Variants in GRAMD1B observed in about 807,000 individuals in gnomAD.
GRAMD1B encodes the protein GRAM domain containing 1B, also known as protein Aster-B.
GRAMD1B carries 37 observed loss-of-function variants against 99.7 expected under a neutral mutation model. The ratio of observed to expected loss-of-function variants is 0.37; its 90% CI spans 0.29 to 0.49. GRAMD1B has a LOEUF of 0.49. Ranked by LOEUF, GRAMD1B falls within the 20% of genes least tolerant of loss-of-function variation. The pLI is 0.98. For missense variants in GRAMD1B, 888 were observed against 1,009.2 expected (o/e 0.88, Z 1.63); for synonymous variants, 427 against 387.6 (o/e 1.10, Z -1.19).
intron 11 of GRAMD1B, chr11:123,607,695 A>G (rs1952930743): frequency 6.6e-6 from 1 of 151,868 alleles, no homozygotes; most frequent in Non-Finnish European, 1.5e-5. Flanking sequence ...CTTGACCCCT[A>G]CAGGGTACTT....
chr11:123,608,306 T>C, intron 11 of GRAMD1B: 1 of 592,806 alleles, frequency 1.7e-6, no homozygotes, highest in South Asian at 2.2e-5. Context: ...ACCCCATTCT[T>C]TGGGTTTAGG....
intron 2 of GRAMD1B, among the ~76,000 whole-genome samples, chr11:123,502,774 C>CA (rs34321315): frequency 0.14 from 13,404 of 98,290 alleles, 968 homozygotes; most frequent in East Asian, 0.47. Flanking sequence ...GACTCCATCT[C>CA]AAAAAAAAAA....
intron 3 of GRAMD1B, 90 bp from the exon 4 acceptor site, chr11:123,584,222 C>T (rs1949789530): frequency 2.7e-6 from 2 of 731,892 alleles, no homozygotes; most frequent in Non-Finnish European, 2.4e-6. Context: ...TCCCTGCCCA[C>T]CCTCCGCTGT....
intron 2 of GRAMD1B, among the ~76,000 whole-genome samples, chr11:123,502,038 G>A (rs1012798399): frequency 6.6e-6 from 1 of 152,240 alleles, no homozygotes; most frequent in Non-Finnish European, 1.5e-5. Flanking sequence ...TCTCTCCTGG[G>A]CTCACCAGCA....
rs186215978 is a variant in GRAMD1B at position 123,496,395 on chromosome 11, A to G, written c.452+15502A>G. ...GCTGCTTTTAGGATCCTTTTTTAAA[A>G]TCCTTGGCCTTTGGGAATTTGACTA... On this transcript the variant is annotated intron_variant, in intron 2 of 19. Transcript: ENST00000635736. 2.3e-3 allele frequency among the ~76,000 whole-genome samples: 356 copies of G among 152,092 alleles called. 2 individuals carry two copies. The highest frequency in any genetic ancestry group is 8.1e-3 in the African/African-American group (338 of 41,508).
intron 2 of GRAMD1B, among the ~76,000 whole-genome samples, chr11:123,483,208 T>C (rs1021038605): frequency 6.6e-6 from 1 of 152,142 alleles, no homozygotes; most frequent in Non-Finnish European, 1.5e-5. Context: ...TTGGATTTTC[T>C]ATCTGAGAAC....
rs889758734 is a variant in GRAMD1B at position 123,385,647 on chromosome 11, C to T, written c.-176+26848C>T. ...CCTATCCCACTGCACTTCCCTTCTG[C>T]CTTGTAGTGTGGGTGAGTTTGGTTC... On this transcript the variant is annotated intron_variant, in intron 1 of 20. Transcript: ENST00000638157. 5.8e-4 allele frequency among the ~76,000 whole-genome samples: 89 copies of T among 152,172 alleles called. 4 individuals are homozygous for T. Among genetic ancestry groups the T allele is most frequent in the Non-Finnish European group, 1.5e-4 (10 of 68,038 alleles).
upstream of GRAMD1B, among the ~76,000 whole-genome samples, chr11:123,427,933 G>C (rs1256896101): frequency 6.6e-6 from 1 of 152,186 alleles, no homozygotes; most frequent in Non-Finnish European, 1.5e-5. Flanking sequence ...TGGGAAGAGG[G>C]TGCTGGTGGC....
chr11:123,560,301 G>A, intron 2 of GRAMD1B: 1 of 1,147,518 alleles, frequency 8.7e-7, no homozygotes, highest in Non-Finnish European at 1.1e-6. Context: ...CAGAGGGAGA[G>A]AGAGAAAGGG....
chr11:123,578,571 C>T lies in GRAMD1B; in HGVS notation c.663+994C>T, dbSNP rs1384923242. The T allele has an allele frequency of 1.5e-5, 10 of 674,286 alleles. No homozygotes were observed. The African/African-American group carries it at 1.8e-4, about 12-fold the overall frequency. The allele number at this position is 674,286 out of a possible 1,614,324, so 41.8% of individuals were successfully genotyped here. A position where few individuals can be genotyped will look rare whatever the true frequency, so the allele number is the denominator to read the frequency against. ...CCCTTTCCCAGAAGGGCCGGCCCCA[C>T]TGTCCCCCGGCAGGCTGGCTTGGAA... On this transcript the variant is annotated intron_variant, in intron 3 of 19. Transcript: ENST00000635736.
chr11:123,487,583 C>T (rs1460804882), intron 2 of GRAMD1B, among the ~76,000 whole-genome samples: 1 of 152,106 alleles, frequency 6.6e-6, no homozygotes, highest in East Asian at 1.9e-4. Context: ...GACTGGAAAC[C>T]AGTAAGTTAC....
chr11:123,370,980 A>C (rs762963659), intron 1 of GRAMD1B, among the ~76,000 whole-genome samples: 55 of 152,058 alleles, frequency 3.6e-4, no homozygotes, highest in Non-Finnish European at 1.2e-4. Context: ...AAGGTGCCTG[A>C]AACTGGGAGA....
At chr11:123,582,529 G>A (rs1438899338) in intron 3 of GRAMD1B, among the ~76,000 whole-genome samples, 3 of 152,186 alleles carry the variant, frequency 2.0e-5, no homozygotes, top group Non-Finnish European at 4.4e-5. Flanking sequence ...GCACCTTGCA[G>A]AGGGGGACTG....
chr11:123,363,413 G>A lies in GRAMD1B; in HGVS notation c.-176+4614G>A, dbSNP rs1591351254. ...AGAGAGTGGCAGACATGAAGCCTGG[G>A]CTTTGATAACCGCCTGTAAAGAACT... On this transcript the variant is annotated intron_variant, in intron 1 of 20. Coordinates refer to the GRAMD1B transcript ENST00000638157. Among the ~76,000 whole-genome samples the A allele has an allele frequency of 3.3e-5, 5 of 152,284 alleles. 1 individual carries two copies. The highest frequency in any genetic ancestry group is 3.3e-4 in the Admixed American group (5 of 15,302).
rs369302256 is a variant in GRAMD1B, at chr11:123,372,184, G to A, written c.-176+13385G>A. Among the ~76,000 whole-genome samples the A allele has an allele frequency of 1.2e-4, 18 of 152,262 alleles. 1 individual carries two copies. The East Asian group carries it at 2.3e-3, about 20-fold the overall frequency. On this transcript the variant is annotated intron_variant, in intron 1 of 20. Coordinates refer to the GRAMD1B transcript ENST00000638157. The stretch of plus-strand genomic sequence containing the variant: ...AATTACCCAGCACTTCAATTTAGAC[G>A]TCAAACACGATTATACAGAAAACAA...
At chr11:123,594,501 C>G (rs183270738) in intron 5 of GRAMD1B, among the ~76,000 whole-genome samples, 70 of 152,336 alleles carry the variant, frequency 4.6e-4, no homozygotes, top group Non-Finnish European at 8.2e-4. Flanking sequence ...GCCCACTTTG[C>G]CTTCACATTT....
chr11:123,503,926 A>G (rs1940157463), intron 2 of GRAMD1B, among the ~76,000 whole-genome samples: 1 of 152,184 alleles, frequency 6.6e-6, no homozygotes, highest in Admixed American at 6.5e-5. Context: ...TATGACCTCC[A>G]TTTTATAGAC....
chr11:123,424,656 T>C (rs896059113), intron 1 of GRAMD1B, among the ~76,000 whole-genome samples: 4 of 152,230 alleles, frequency 2.6e-5, no homozygotes, highest in Admixed American at 2.6e-4. Flanking sequence ...TATTCTTTTT[T>C]ATTGAAATTC....
At chr11:123,445,346 T>C (rs1407021085) in intron 1 of GRAMD1B, among the ~76,000 whole-genome samples, 1 of 152,146 alleles carries the variant, frequency 6.6e-6, no homozygotes, top group Non-Finnish European at 1.5e-5. Context: ...TGGAGCTCTT[T>C]TTGACCTTTT....
Sources: gnomAD v4.1 joint callset for allele counts (sites outside exome capture counted in the v4.1 genomes callset) on GRCh38, gnomAD v4.1.1 for gene constraint, MANE v1.5 for transcripts, NCBI Gene and HGNC (gene_info 2026-07-23, HGNC 2026-07-21) for gene names.